The following STAG1 variants were observed in gnomAD, a reference collection of about 807,000 sequenced individuals.
The protein encoded by STAG1 is cohesin subunit SA-1.
Under a neutral mutation model 170.9 loss-of-function variants are expected in STAG1, and 26 were observed. The observed-to-expected ratio is 0.15, with a 90% confidence interval of 0.11 to 0.21. STAG1 has a LOEUF of 0.21. Ranked by LOEUF, STAG1 falls within the 10% of genes least tolerant of loss-of-function variation. The pLI is 1.00. For synonymous variants in STAG1, 514 were observed against 497.7 expected (o/e 1.03, Z -0.44); for missense variants, 964 against 1,509.5 (o/e 0.64, Z 5.99).
intron 15 of STAG1, 98 bp downstream of exon 15, chr3:136,443,189 C>T (rs972654491): frequency 2.8e-6 from 2 of 718,198 alleles, no homozygotes; most frequent in African/African-American, 3.6e-5. Context: ...ACACAACATG[C>T]TTATATATGC....
chr3:136,340,650 A>C (rs1473576579), intron 31 of STAG1, 45 bp from the exon 32 acceptor site: 1 of 1,229,582 alleles, frequency 8.1e-7, no homozygotes, highest in South Asian at 1.2e-5. Context: ...AGACTCCACC[A>C]TTTGGAGTCC....
intron 1 of STAG1, among the ~76,000 whole-genome samples, chr3:136,739,996 T>C (rs917736357): frequency 3.3e-5 from 5 of 152,200 alleles, no homozygotes; most frequent in Non-Finnish European, 7.3e-5. Context: ...TCTGTAAAGA[T>C]TTCACACAGA....
intron 2 of STAG1, among the ~76,000 whole-genome samples, chr3:136,623,824 G>A (rs919110531): frequency 2.6e-5 from 4 of 151,842 alleles, no homozygotes; most frequent in African/African-American, 9.7e-5. Context: ...GCATGGTGGC[G>A]CATGCCTGTA....
At chr3:136,594,591 T>C (rs1938333575) in intron 4 of STAG1, among the ~76,000 whole-genome samples, 1 of 152,208 alleles carries the variant, frequency 6.6e-6, no homozygotes, top group Non-Finnish European at 1.5e-5. Flanking sequence ...CAAAGAAAGT[T>C]TGCTTAGTGT....
intron 16 of STAG1, among the ~76,000 whole-genome samples, chr3:136,425,580 A>G (rs112739133): frequency 4.6e-5 from 7 of 151,768 alleles, no homozygotes; most frequent in African/African-American, 1.4e-4. Context: ...CCTATTTCAA[A>G]AAAATAAGTT....
intron 21 of STAG1, among the ~76,000 whole-genome samples, chr3:136,405,258 T>TTTC (rs1560091864): frequency 3.5e-5 from 4 of 115,616 alleles, no homozygotes; most frequent in African/African-American, 1.4e-4. Context: ...TTTTTTTTTT[T>TTTC]TCAGACGAAG....
At chr3:136,473,518 C>T in intron 11 of STAG1, 21 bp downstream of exon 11, 6 of 1,532,668 alleles carry the variant, frequency 3.9e-6, no homozygotes, top group Middle Eastern at 1.7e-4. Flanking sequence ...ATTAAATAAG[C>T]TTATCATTCT....
chr3:136,626,661 G>A (rs961129416), intron 2 of STAG1, among the ~76,000 whole-genome samples: 1 of 152,132 alleles, frequency 6.6e-6, no homozygotes, highest in Non-Finnish European at 1.5e-5. Flanking sequence ...CTCTACTAAA[G>A]AACAATGAAT....
chr3:136,702,111 G>GAC (rs1943091318), intron 1 of STAG1, among the ~76,000 whole-genome samples: 12 of 78,928 alleles, frequency 1.5e-4, no homozygotes, highest in Non-Finnish European at 2.0e-4. Context: ...GAGAGAGAGA[G>GAC]AGAGAGAGAG....
At chr3:136,437,746 T>C (rs1457528366) in intron 15 of STAG1, among the ~76,000 whole-genome samples, 1 of 152,160 alleles carries the variant, frequency 6.6e-6, no homozygotes, top group South Asian at 2.1e-4. Flanking sequence ...AGGTTATAAT[T>C]ATCTCTTATC....
Position 136,549,698 on chromosome 3 carries a change from T to C in STAG1, c.395-7503A>G, listed in dbSNP as rs141388857. 1.2e-3 allele frequency among the ~76,000 whole-genome samples: 178 copies of C among 151,964 alleles called. 1 individual carries two copies. Among genetic ancestry groups the C allele is most frequent in the African/African-American group, 3.9e-3 (163 of 41,408 alleles). ...CTTGCCTAATAGCTCTGGGCAGAAC[T>C]TCTGGTAATACACAGAATAGAAGTG... On this transcript the variant is annotated intron_variant, in intron 5 of 33. Coordinates refer to ENST00000383202, the MANE Select transcript of STAG1 (RefSeq NM_005862.3).
intron 1 of STAG1, among the ~76,000 whole-genome samples, chr3:136,710,208 C>A (rs898269123): frequency 1.3e-5 from 2 of 152,032 alleles, no homozygotes; most frequent in African/African-American, 4.8e-5. Context: ...ATAACCTGTC[C>A]TTAAGACCCA....
chr3:136,532,473 T>C (rs1935423539), intron 6 of STAG1, among the ~76,000 whole-genome samples: 1 of 152,192 alleles, frequency 6.6e-6, no homozygotes, highest in African/African-American at 2.4e-5. Context: ...CTATCTTTGG[T>C]AGAATTCAGC....
intron 23 of STAG1, among the ~76,000 whole-genome samples, chr3:136,373,140 G>A (rs1937437135): frequency 6.6e-6 from 1 of 152,150 alleles, no homozygotes; most frequent in Non-Finnish European, 1.5e-5. Context: ...TTGCATAGAG[G>A]TGTTTATAGT....
intron 4 of STAG1, among the ~76,000 whole-genome samples, chr3:136,572,720 T>C (rs13069695): frequency 0.091 from 13,748 of 151,890 alleles, 792 homozygotes; most frequent in Middle Eastern, 0.15. Flanking sequence ...TCCAGATATA[T>C]ATAACTTCCA....
At chr3:136,388,896 G>A (rs2086934143) in intron 22 of STAG1, among the ~76,000 whole-genome samples, 1 of 152,062 alleles carries the variant, frequency 6.6e-6, no homozygotes, top group Admixed American at 6.6e-5. Context: ...TAATTTTGGT[G>A]GAGGAAATCT....
intron 5 of STAG1, among the ~76,000 whole-genome samples, chr3:136,549,480 T>C (rs1663938528): frequency 6.6e-6 from 1 of 152,102 alleles, no homozygotes; most frequent in African/African-American, 2.4e-5. Flanking sequence ...GGCTGATTTT[T>C]TGTAGAGACA....
intron 12 of STAG1, 73 bp from the exon 13 acceptor site, chr3:136,465,061 C>T: frequency 8.8e-7 from 1 of 1,140,852 alleles, no homozygotes; most frequent in Non-Finnish European, 1.2e-6. Context: ...TTTAAACTTG[C>T]TAAAGTTCAT....
At chr3:136,682,161 G>A (rs559270696) in intron 1 of STAG1, among the ~76,000 whole-genome samples, 25 of 151,952 alleles carry the variant, frequency 1.6e-4, no homozygotes, top group South Asian at 1.0e-3. Flanking sequence ...TATATATACC[G>A]AAAACTCATG....
Sources: gnomAD v4.1 joint callset for allele counts (sites outside exome capture counted in the v4.1 genomes callset) on GRCh38, gnomAD v4.1.1 for gene constraint, MANE v1.5 for transcripts, NCBI Gene and HGNC (gene_info 2026-07-23, HGNC 2026-07-21) for gene names.